Variants in ANKIB1 observed in about 807,000 individuals in gnomAD.
ANKIB1 encodes the protein ankyrin repeat and IBR domain containing 1, also known as ankyrin repeat and IBR domain-containing protein 1.
Under a neutral mutation model 122.1 loss-of-function variants are expected in ANKIB1, and 43 were observed. The ratio of observed to expected loss-of-function variants is 0.35; its 90% CI spans 0.28 to 0.45. The LOEUF (loss-of-function observed/expected upper bound fraction) is 0.45. Ranked by LOEUF, ANKIB1 falls within the 20% of genes least tolerant of loss-of-function variation. The pLI is 1.00. For missense variants in ANKIB1, 992 were observed against 1,329.5 expected (o/e 0.75, Z 3.95); for synonymous variants, 390 against 442.0 (o/e 0.88, Z 1.48).
intron 17 of ANKIB1, among the ~76,000 whole-genome samples, chr7:92,393,579 G>A (rs982122905): frequency 6.6e-6 from 1 of 152,052 alleles, no homozygotes; most frequent in African/African-American, 2.4e-5. Context: ...CTTTGTCAGT[G>A]TATTCACAAG....
Position 92,398,795 on chromosome 7 carries a change from A to T in ANKIB1, c.3116A>T (p.Glu1039Val). 1 of 1,611,014 alleles carries T rather than the reference A, an allele frequency of 6.2e-7. No homozygotes were observed. The highest frequency in any genetic ancestry group is 8.5e-7 in the Non-Finnish European group (1 of 1,178,506). The change falls in exon 20 of 20, where the codon GAA becomes GTA. Residue 1039 changes from glutamate to valine, a missense_variant. Glu to Val is a moderately radical substitution (Grantham distance 121). Coordinates refer to ENST00000265742, the MANE Select transcript of ANKIB1 (RefSeq NM_019004.2). ...GAAGGTAGAGGAACCCAGATAGAAG[A>T]AAATCCTTTGGAAGAAAATATTCTG... is the stretch of plus-strand genomic sequence containing the variant. ...VSEGRGTQIE[E>V]NPLEENILAG...
At chr7:92,328,908 T>C (rs749260743) in intron 5 of ANKIB1, among the ~76,000 whole-genome samples, 1 of 148,326 alleles carries the variant, frequency 6.7e-6, no homozygotes, top group Non-Finnish European at 1.5e-5. Context: ...AAAAAACATA[T>C]ATATGGAATA....
chr7:92,263,044 A>G (rs187280309), intron 1 of ANKIB1, among the ~76,000 whole-genome samples: 15 of 152,254 alleles, frequency 9.9e-5, no homozygotes, highest in Non-Finnish European at 2.9e-5. Context: ...TGTGTTCATA[A>G]TTTTCTCAAT....
intron 1 of ANKIB1, among the ~76,000 whole-genome samples, chr7:92,251,625 C>T (rs1801332719): frequency 6.6e-6 from 1 of 151,956 alleles, no homozygotes; most frequent in South Asian, 2.1e-4. Context: ...TGCCTGCCCT[C>T]TCTCTCTCTG....
At chr7:92,302,831 C>T (rs1205866500) in intron 2 of ANKIB1, among the ~76,000 whole-genome samples, 1 of 152,160 alleles carries the variant, frequency 6.6e-6, no homozygotes, top group African/African-American at 2.4e-5. Context: ...CCCAACCCCC[C>T]TTATCTTGCA....
rs1801034650 is a variant in ANKIB1 at position 92,246,502 on chromosome 7, T to G, written c.-108T>G. ...TTGCTGGGTCCACCGACCCTTACCC[T>G]CAGCGAGAGAAGTAACCGTAAGTCT... On this transcript the variant is annotated 5_prime_UTR_variant, in exon 1 of 20. Transcript: ENST00000265742. The G allele has an allele frequency of 1.9e-6, 1 of 518,370 alleles. No homozygotes were observed. The highest frequency in any genetic ancestry group is 3.8e-6 in the Non-Finnish European group (1 of 259,824). The allele number at this position is 518,370 out of a possible 1,614,324, so 32.1% of individuals were successfully genotyped here. A position where few individuals can be genotyped will look rare whatever the true frequency, so the allele number is the denominator to read the frequency against.
chr7:92,262,298 C>G (rs1446385281), intron 1 of ANKIB1, among the ~76,000 whole-genome samples: 2 of 152,140 alleles, frequency 1.3e-5, no homozygotes, highest in East Asian at 3.9e-4. Context: ...ATATCCAAGC[C>G]AGGACTTGAA....
Position 92,397,767 on chromosome 7 carries a change from G to T in ANKIB1, c.2440G>T (p.Val814Leu), listed in dbSNP as rs759933131. The change falls in exon 19 of 20, where the codon GTG (valine) becomes TTG (leucine). Residue 814 changes from valine (V) to leucine (L), a missense_variant. Val to Leu is a conservative substitution (Grantham distance 32). Around this residue, in one of 4 missense-constraint regions of ANKIB1, gnomAD observed 384 missense variants for 412.0 expected, o/e 0.93. Coordinates refer to ENST00000265742, the MANE Select transcript of ANKIB1 (RefSeq NM_019004.2). The part of the protein sequence containing the change: ...GSSSRRPGTS[V>L]VSSASMSVLH... ...CAGCAGCCGCAGGCCTGGCACATCC[G>T]TGGTAAGTTCTGCATCTATGAGTGT... The T allele has an allele frequency of 1.2e-6, 2 of 1,610,952 alleles. No individual in the cohort carries two copies. Among genetic ancestry groups the T allele is most frequent in the Non-Finnish European group, 1.7e-6 (2 of 1,179,042 alleles).
intron 10 of ANKIB1, among the ~76,000 whole-genome samples, chr7:92,362,894 ATC>A (rs778503575): frequency 2.9e-4 from 44 of 151,154 alleles, no homozygotes; most frequent in Admixed American, 7.9e-4. Context: ...ATGGGTTTGA[ATC>A]TCTGAGGGGA....
At chr7:92,380,127 C>T (rs2115671364) in intron 11 of ANKIB1, among the ~76,000 whole-genome samples, 1 of 152,298 alleles carries the variant, frequency 6.6e-6, no homozygotes, top group South Asian at 2.1e-4. Flanking sequence ...CCCACACCCA[C>T]AGAGCCTTGC....
intron 1 of ANKIB1, among the ~76,000 whole-genome samples, chr7:92,283,700 A>G (rs531666099): frequency 1.3e-5 from 2 of 152,226 alleles, no homozygotes; most frequent in African/African-American, 4.8e-5. Flanking sequence ...ACCTCGTAAC[A>G]TCATTGTGCA....
intron 8 of ANKIB1, among the ~76,000 whole-genome samples, chr7:92,351,855 G>A (rs555898306): frequency 1.6e-3 from 237 of 151,678 alleles, no homozygotes; most frequent in African/African-American, 5.5e-3. Context: ...AGAGTAGCTG[G>A]GATTACGGGC....
chr7:92,263,778 T>A (rs1028928275), intron 1 of ANKIB1, among the ~76,000 whole-genome samples: 2 of 152,232 alleles, frequency 1.3e-5, no homozygotes, highest in African/African-American at 4.8e-5. Flanking sequence ...CTTACTCTTA[T>A]GTTCAGTGTT....
rs1044346274 is a variant in ANKIB1 at position 92,348,034 on chromosome 7, T to C, written c.1086-2916T>C. 1.2e-4 allele frequency: 52 copies of C among 435,824 alleles called. No homozygotes were observed. The Admixed American group carries it at 1.3e-3, about 11-fold the overall frequency. 27.0% of individuals were successfully genotyped at this position (435,824 alleles called of 1,614,324 possible). A position where few individuals can be genotyped will look rare whatever the true frequency, so the allele number is the denominator to read the frequency against. ...AAATATAGGTAAGGTTTGCCCCAGA[T>C]TTCTCTCTTTTAGTGACACTTATCA... On this transcript the variant is annotated intron_variant, in intron 7 of 19. Transcript: ENST00000265742.
In ANKIB1 at chr7:92,328,854, C is replaced by G. The variant is rs182171671; in HGVS notation, c.787+954C>G. On this transcript the variant is annotated intron_variant, in intron 5 of 19. Coordinates refer to ENST00000265742, the MANE Select transcript of ANKIB1 (RefSeq NM_019004.2). Reference sequence around the variant, plus strand: ...TCCCTATTTTATCATTCATTGATCACCACTGTTAATAATGTGGTATACAAC... The same window carrying G: ...TCCCTATTTTATCATTCATTGATCAGCACTGTTAATAATGTGGTATACAAC... 2.4e-3 allele frequency among the ~76,000 whole-genome samples: 357 copies of G among 150,208 alleles called. 1 individual carries two copies. The highest frequency in any genetic ancestry group is 8.2e-3 in the African/African-American group (336 of 41,004).
intron 3 of ANKIB1, among the ~76,000 whole-genome samples, chr7:92,315,017 G>T (rs760954881): frequency 6.6e-6 from 1 of 150,780 alleles, no homozygotes; most frequent in Admixed American, 6.6e-5. Context: ...GGAAAGAAAG[G>T]TTAAAAAAAA....
intron 11 of ANKIB1, among the ~76,000 whole-genome samples, chr7:92,382,796 T>C (rs903014981): frequency 6.6e-6 from 1 of 152,212 alleles, no homozygotes; most frequent in South Asian, 2.1e-4. Context: ...AGGAAAGATC[T>C]AAAATTGACA....
At chr7:92,379,879 C>T (rs1393403660) in intron 11 of ANKIB1, among the ~76,000 whole-genome samples, 1 of 152,166 alleles carries the variant, frequency 6.6e-6, no homozygotes, top group Non-Finnish European at 1.5e-5. Flanking sequence ...CCTGGTTCAT[C>T]TCATTGGGAC....
At chr7:92,319,150 C>A (rs527361336) in intron 3 of ANKIB1, among the ~76,000 whole-genome samples, 180 bp from the exon 4 acceptor site, 1 of 151,262 alleles carries the variant, frequency 6.6e-6, no homozygotes, top group East Asian at 1.9e-4. Flanking sequence ...AATTACTAAT[C>A]TTAAAATCAG....
Sources: gnomAD v4.1 joint callset for allele counts (sites outside exome capture counted in the v4.1 genomes callset) on GRCh38, gnomAD v4.1.1 for gene constraint, gnomAD v4.1.1 regional missense constraint, MANE v1.5 for transcripts, NCBI Gene and HGNC (gene_info 2026-07-23, HGNC 2026-07-21) for gene names.